The following NOX4 variants were observed in gnomAD, a reference collection of about 807,000 sequenced individuals.
NOX4 encodes the protein NADPH oxidase 4.
NOX4 carries 69 observed loss-of-function variants against 87.6 expected under a neutral mutation model. That is an observed-to-expected ratio of 0.79 (90% CI 0.65 to 0.96). The LOEUF (loss-of-function observed/expected upper bound fraction) is 0.96. Ranked by LOEUF, NOX4 falls within the 40% of genes least tolerant of loss-of-function variation. The pLI is 0.00. For missense variants in NOX4, 680 were observed against 681.5 expected, an observed-to-expected ratio of 1.00 and a Z score of 0.02; for synonymous variants, 275 against 238.2, an observed-to-expected ratio of 1.15 and a Z score of -1.42.
intron 2 of NOX4, among the ~76,000 whole-genome samples, chr11:89,463,247 C>T (rs1221592470): frequency 6.6e-6 from 1 of 151,758 alleles, no homozygotes; most frequent in Non-Finnish European, 1.5e-5. Flanking sequence ...AATTCTACAT[C>T]CTAGATCAGC....
At chr11:89,429,010 C>G (rs1434933001) in intron 7 of NOX4, among the ~76,000 whole-genome samples, 2 of 152,198 alleles carry the variant, frequency 1.3e-5, no homozygotes, top group Non-Finnish European at 2.9e-5. Context: ...TTATACCTAT[C>G]TCTCACACTA....
chr11:89,438,567 T>C (rs1236448616), intron 6 of NOX4, among the ~76,000 whole-genome samples: 1 of 91,256 alleles, frequency 1.1e-5, no homozygotes, highest in Non-Finnish European at 1.9e-5. Flanking sequence ...ATATATAATA[T>C]AATATATACT....
chr11:89,477,291 G>GATCC (rs1384183836), intron 2 of NOX4, among the ~76,000 whole-genome samples: 1 of 152,110 alleles, frequency 6.6e-6, no homozygotes, highest in Admixed American at 6.6e-5. Flanking sequence ...TTGCAACCTA[G>GATCC]ATCCCTCCTG....
chr11:89,473,227 G>GT (rs1355913858), intron 2 of NOX4, among the ~76,000 whole-genome samples: 7 of 152,228 alleles, frequency 4.6e-5, no homozygotes, highest in African/African-American at 1.7e-4. Flanking sequence ...AGTTGAAAGT[G>GT]TTTTGCAGAG....
intron 7 of NOX4, among the ~76,000 whole-genome samples, chr11:89,428,397 T>C (rs992191871): frequency 6.6e-6 from 1 of 152,158 alleles, no homozygotes; most frequent in Non-Finnish European, 1.5e-5. Flanking sequence ...ATAGACTAAA[T>C]GTTCCAATTA....
chr11:89,430,321 C>T (rs1000837010), intron 7 of NOX4, among the ~76,000 whole-genome samples: 1 of 152,146 alleles, frequency 6.6e-6, no homozygotes, highest in African/African-American at 2.4e-5. Flanking sequence ...TCTCACCCCT[C>T]CTATTCAACA....
chr11:89,375,863 T>G (rs762123371), intron 11 of NOX4, among the ~76,000 whole-genome samples: 4 of 152,218 alleles, frequency 2.6e-5, no homozygotes, highest in Non-Finnish European at 5.9e-5. Flanking sequence ...AAAGATGACC[T>G]ATAGCCAAGA....
intron 11 of NOX4, among the ~76,000 whole-genome samples, chr11:89,394,545 C>T (rs2135151219): frequency 6.6e-6 from 1 of 152,202 alleles, no homozygotes. Context: ...GGTACACGTG[C>T]ACAACGTGCA....
At position 89,471,265 on chromosome 11, in the gene NOX4, T is replaced by C. The variant is rs190395983; in HGVS notation, c.153+19193A>G. On this transcript the variant is annotated intron_variant, in intron 2 of 17. Transcript: ENST00000263317. ...GCTAGCAAGGGGCTGCACAGGCAAG[T>C]GGAAAAGCCCAAACTGCCTCTTACC... 2.6e-5 allele frequency among the ~76,000 whole-genome samples: 4 copies of C among 152,256 alleles called. No homozygotes were observed. In the East Asian group the frequency reaches 7.7e-4, roughly 29 times the overall value.
intron 5 of NOX4, chr11:89,443,337 T>G (rs1944539216): frequency 2.0e-5 from 3 of 147,132 alleles, no homozygotes; most frequent in African/African-American, 5.0e-5. Flanking sequence ...GAAAAAGGAG[T>G]GGGGAAGGTG....
At chr11:89,485,946 A>T (rs1371424936) in intron 2 of NOX4, among the ~76,000 whole-genome samples, 2 of 152,188 alleles carry the variant, frequency 1.3e-5, no homozygotes, top group Non-Finnish European at 2.9e-5. Context: ...TAAACCAGCC[A>T]TGACCACGTT....
chr11:89,554,610 A>T, the NOX4 span, among the ~76,000 whole-genome samples: 2 of 152,282 alleles, frequency 1.3e-5, no homozygotes, highest in African/African-American at 4.8e-5. Context: ...GGAGGCATGC[A>T]AGAGACTTCT....
At chr11:89,533,968 C>G in the NOX4 span, 2 of 152,214 alleles carry the variant, frequency 1.3e-5, no homozygotes, top group South Asian at 2.1e-4. Flanking sequence ...TCTGTCTTGT[C>G]TAATACATAA....
intron 6 of NOX4, among the ~76,000 whole-genome samples, chr11:89,434,978 C>A (rs545965433): frequency 6.6e-6 from 1 of 151,752 alleles, no homozygotes; most frequent in African/African-American, 2.4e-5. Context: ...GGGCAAGATG[C>A]GTTATAAAAG....
the NOX4 span, among the ~76,000 whole-genome samples, chr11:89,579,275 C>T: frequency 6.6e-6 from 1 of 151,944 alleles, no homozygotes; most frequent in Non-Finnish European, 1.5e-5. Context: ...TGCACAACAC[C>T]AAGAGTAAAT....
rs542513635 is a variant in NOX4 at position 89,441,676 on chromosome 11, T to C, written c.448-961A>G. 2.6e-5 allele frequency among the ~76,000 whole-genome samples: 4 copies of C among 152,056 alleles called. No individual in the cohort carries two copies. The South Asian group carries it at 6.2e-4, about 24-fold the overall frequency. ...ATATCATATGGGCTGAACAAAGTGG[T>C]AAGAATAGAAATGTGAATAAATACC... On this transcript the variant is annotated intron_variant, in intron 5 of 17. Transcript: ENST00000263317.
intron 2 of NOX4, among the ~76,000 whole-genome samples, chr11:89,472,499 T>C (rs1023436864): frequency 1.3e-5 from 2 of 152,204 alleles, no homozygotes; most frequent in Non-Finnish European, 2.9e-5. Flanking sequence ...GATTTCCTTA[T>C]GCTTAACTCA....
rs1012292730 is a variant in NOX4 at position 89,335,091 on chromosome 11, C to A, written c.1616+754G>T. Among the ~76,000 whole-genome samples, 10 of 151,782 alleles carry A rather than the reference C, an allele frequency of 6.6e-5. No individual in the cohort carries two copies. The South Asian group carries it at 1.4e-3, about 22-fold the overall frequency. On this transcript the variant is annotated intron_variant, in intron 17 of 17. Transcript: ENST00000263317. Reference sequence around the variant, plus strand: ...ATCTGCAATATGTTAGAAATCACATCTTTTACAACTGTGTAAACTTATGAT... The same window carrying A: ...ATCTGCAATATGTTAGAAATCACATATTTTACAACTGTGTAAACTTATGAT...
At chr11:89,396,840 A>G (rs1469348996) in intron 11 of NOX4, among the ~76,000 whole-genome samples, 1 of 152,178 alleles carries the variant, frequency 6.6e-6, no homozygotes, top group Non-Finnish European at 1.5e-5. Context: ...AAACCTACAA[A>G]GAGACTTAGA....
Sources: gnomAD v4.1 joint callset for allele counts (sites outside exome capture counted in the v4.1 genomes callset) on GRCh38, gnomAD v4.1.1 for gene constraint, MANE v1.5 for transcripts, NCBI Gene and HGNC (gene_info 2026-07-23, HGNC 2026-07-21) for gene names.